ATP6V1B1: variants seen among roughly 807,000 people sequenced by gnomAD.
ATP6V1B1 encodes ATPase H+ transporting V1 subunit B1, also known as V-type proton ATPase subunit B, kidney isoform.
A neutral mutation model predicts 62.1 loss-of-function variants in ATP6V1B1; 41 were observed. The ratio of observed to expected loss-of-function variants is 0.66; its 90% CI spans 0.51 to 0.86. ATP6V1B1 has a LOEUF of 0.86. Ranked by LOEUF, ATP6V1B1 falls within the 40% of genes least tolerant of loss-of-function variation. The probability of loss-of-function intolerance (pLI) is 0.00; values close to 1 mark genes in which losing one functional copy is unlikely to be tolerated. For missense variants in ATP6V1B1, 651 were observed against 697.5 expected (o/e 0.93, Z 0.75); for synonymous variants, 253 against 273.4 (o/e 0.93, Z 0.74).
chr2:70,954,691 C>CCT (rs1680395059), intron 2 of ATP6V1B1, among the ~76,000 whole-genome samples: 1 of 152,082 alleles, frequency 6.6e-6, no homozygotes, highest in African/African-American at 2.4e-5. Flanking sequence ...CTGTGTTGCC[C>CCT]AGGCTGATCT....
chr2:70,963,746 G>T lies in ATP6V1B1; in HGVS notation c.1143+92G>T, dbSNP rs1680646062. ...CTGCCCCCAGGCATGAATTAGGAGG[G>T]GCCAGCCAAAGCGAACCCCAAACAG... On this transcript the variant is annotated intron_variant, in intron 11 of 13. Transcript: ENST00000234396. The surrounding 1 kb of genome is among the most constrained non-coding windows in gnomAD (Gnocchi z 4.3). 2.7e-6 allele frequency: 4 copies of T among 1,455,040 alleles called. No homozygotes were observed. The Admixed American group carries it at 7.3e-5, about 26-fold the overall frequency. The allele number at this position is 1,455,040 out of a possible 1,614,324, so 90.1% of individuals were successfully genotyped here.
intron 1 of ATP6V1B1, chr2:70,938,549 A>G (rs1679913003): frequency 1.0e-6 from 1 of 985,314 alleles, no homozygotes; most frequent in Non-Finnish European, 1.2e-6. Context: ...AGGTGGGCTA[A>G]AGAGGCCTGA....
Position 70,943,242 on chromosome 2 carries a change from C to T in ATP6V1B1, c.119-416C>T, listed in dbSNP as rs1163280552. The T allele has an allele frequency of 1.6e-5, 6 of 377,924 alleles. No homozygotes were observed. In the East Asian group the frequency reaches 3.9e-4, roughly 24 times the overall value. The allele number at this position is 377,924 out of a possible 1,614,324, so 23.4% of individuals were successfully genotyped here. A position where few individuals can be genotyped will look rare whatever the true frequency, so the allele number is the denominator to read the frequency against. On this transcript the variant is annotated intron_variant, in intron 1 of 13. Transcript: ENST00000234396. ...AGTGTGGGGTGAATGGAGGGAAATG[C>T]AGTCCTGGTGAGGGCAGAGGAGGGC...
In ATP6V1B1 at chr2:70,963,004, C is replaced by T; in HGVS notation, c.909+104C>T. 6.2e-7 allele frequency: 1 copy of T among 1,601,264 alleles called. No individual in the cohort carries two copies. The highest frequency in any genetic ancestry group is 1.7e-5 in the Admixed American group (1 of 59,640). Reference sequence around the variant, plus strand: ...TAGAGGGGAGCTGGTCCACCCAAGCCTGCCCCACTCCCATGAGTTCCAGGG... The same window carrying T: ...TAGAGGGGAGCTGGTCCACCCAAGCTTGCCCCACTCCCATGAGTTCCAGGG... On this transcript the variant is annotated intron_variant, in intron 9 of 13. Coordinates refer to ENST00000234396, the MANE Select transcript of ATP6V1B1 (RefSeq NM_001692.4). The surrounding 1 kb of genome is among the most constrained non-coding windows in gnomAD (Gnocchi z 4.3).
At chr2:70,962,549 CCT>C (rs1270846649) in intron 8 of ATP6V1B1, among the ~76,000 whole-genome samples, 1 of 152,196 alleles carries the variant, frequency 6.6e-6, no homozygotes, top group Non-Finnish European at 1.5e-5. Context: ...GGCCTCAGCC[CCT>C]GTCCCCTTTC....
chr2:70,943,061 G>T (rs1680042154), intron 1 of ATP6V1B1, among the ~76,000 whole-genome samples: 1 of 152,130 alleles, frequency 6.6e-6, no homozygotes, highest in African/African-American at 2.4e-5. Flanking sequence ...TCCTTCCCTT[G>T]CCTTTTCACT....
Position 70,958,409 on chromosome 2 carries a change from T to C in ATP6V1B1, c.350T>C (p.Val117Ala). ...ACAGGGGACATCCTACGAACTCCGG[T>C]GTCAGAGGACATGCTGGGTGAGGGA... The part of the protein sequence containing the change: ...EFTGDILRTP[V>A]SEDMLGRVFN... The change falls in exon 4 of 14, where the codon GTG becomes GCG. Residue 117 changes from valine (V) to alanine (A), a missense_variant. By Grantham distance (64) the Val-to-Ala change is moderately conservative. Coordinates refer to ENST00000234396, the MANE Select transcript of ATP6V1B1 (RefSeq NM_001692.4). 6.2e-7 allele frequency: 1 copy of C among 1,613,246 alleles called. No homozygotes were observed. The highest frequency in any genetic ancestry group is 1.3e-5 in the African/African-American group (1 of 74,922).
In ATP6V1B1 at chr2:70,961,116, C is replaced by G. The variant is rs558375537; in HGVS notation, c.687+94C>G. On this transcript the variant is annotated intron_variant, in intron 7 of 13. Coordinates refer to ENST00000234396, the MANE Select transcript of ATP6V1B1 (RefSeq NM_001692.4). ...GGCATGACCTGATCTGATGGGGAAG[C>G]CATCAGTGTCCCGGCCAGCCAGGAG... The G allele has an allele frequency of 1.7e-5, 22 of 1,322,122 alleles. No individual in the cohort carries two copies. In the East Asian group the frequency reaches 5.6e-4, roughly 34 times the overall value. The allele number at this position is 1,322,122 out of a possible 1,614,324, so 81.9% of individuals were successfully genotyped here. A position where few individuals can be genotyped will look rare whatever the true frequency, so the allele number is the denominator to read the frequency against.
chr2:70,963,805 G>A lies in ATP6V1B1; in HGVS notation c.1143+151G>A. 2 of 847,748 alleles carry A rather than the reference G, an allele frequency of 2.4e-6. No individual in the cohort carries two copies. The highest frequency in any genetic ancestry group is 3.9e-6 in the Non-Finnish European group (2 of 507,466). 52.5% of individuals were successfully genotyped at this position (847,748 alleles called of 1,614,324 possible). On this transcript the variant is annotated intron_variant, in intron 11 of 13. Coordinates refer to ENST00000234396, the MANE Select transcript of ATP6V1B1 (RefSeq NM_001692.4). The surrounding 1 kb of genome is among the most constrained non-coding windows in gnomAD (Gnocchi z 4.3). ...CACAGGGAAGACTGCATGGTTCACAGACAGAAGACAGGCCTGAGCAGAATC... is the reference window on the plus strand; with the variant it reads ...CACAGGGAAGACTGCATGGTTCACAAACAGAAGACAGGCCTGAGCAGAATC...
intron 11 of ATP6V1B1, 149 bp from the exon 12 acceptor site, chr2:70,964,289 G>C: frequency 1.3e-6 from 1 of 789,432 alleles, no homozygotes; most frequent in South Asian, 1.5e-5. Flanking sequence ...CCAAGCCCTA[G>C]AATTTGTGGG....
At chr2:70,940,583 T>C (rs1440401178) in intron 1 of ATP6V1B1, 1 of 985,314 alleles carries the variant, frequency 1.0e-6, no homozygotes, top group African/African-American at 1.7e-5. Context: ...TTTTTTTTAA[T>C]TGATGGGAAG....
Position 70,960,807 on chromosome 2 carries a change from C to G in ATP6V1B1, c.586-114C>G. 5 of 564,206 alleles carry G rather than the reference C, an allele frequency of 8.9e-6. No individual in the cohort carries two copies. The Admixed American group carries it at 1.2e-4, about 14-fold the overall frequency. 34.9% of individuals were successfully genotyped at this position (564,206 alleles called of 1,614,324 possible). ...AAAGACTAGCACCTGGGGCAGCCCC[C>G]TCACCTCTCTGGGCTTGGATCCCTC... is the stretch of plus-strand genomic sequence containing the variant. On this transcript the variant is annotated intron_variant, in intron 6 of 13. Coordinates refer to ENST00000234396, the MANE Select transcript of ATP6V1B1 (RefSeq NM_001692.4).
Position 70,942,732 on chromosome 2 carries a change from G to T in ATP6V1B1, c.119-926G>T, listed in dbSNP as rs563199339. On this transcript the variant is annotated intron_variant, in intron 1 of 13. Coordinates refer to ENST00000234396, the MANE Select transcript of ATP6V1B1 (RefSeq NM_001692.4). ...GTTGGGCCACTCCCCTCTGCATCCT[G>T]CCAGCCTGTGGCTGACCCAGAGGCC... Among the ~76,000 whole-genome samples, 100 of 152,316 alleles carry T rather than the reference G, an allele frequency of 6.6e-4. 1 individual carries two copies. Among genetic ancestry groups the T allele is most frequent in the African/African-American group, 2.1e-3 (88 of 41,570 alleles).
chr2:70,938,185 C>G (rs182258973), intron 1 of ATP6V1B1, among the ~76,000 whole-genome samples: 3 of 151,954 alleles, frequency 2.0e-5, no homozygotes, highest in African/African-American at 7.2e-5. Flanking sequence ...TGGTGTGTCC[C>G]TTCATCCACA....
chr2:70,951,443 T>C (rs549254563), intron 2 of ATP6V1B1, among the ~76,000 whole-genome samples: 1 of 152,298 alleles, frequency 6.6e-6, no homozygotes, highest in South Asian at 2.1e-4. Context: ...ATGTAGCATT[T>C]TTTTTTTCAC....
intron 2 of ATP6V1B1, among the ~76,000 whole-genome samples, chr2:70,950,777 TTTAC>T (rs1171360515): frequency 3.9e-5 from 6 of 152,158 alleles, no homozygotes; most frequent in African/African-American, 4.8e-5. Context: ...ATACTTTTAC[TTTAC>T]TTTTTATTTT....
intron 1 of ATP6V1B1, chr2:70,943,434 C>A: frequency 1.5e-6 from 1 of 673,992 alleles, no homozygotes; most frequent in Non-Finnish European, 2.7e-6. Context: ...CTCTGCCTGG[C>A]CCTCCCCCAG....
At chr2:70,936,148 C>T (rs1162640133) in intron 1 of ATP6V1B1, 76 bp downstream of exon 1, 1 of 1,460,782 alleles carries the variant, frequency 6.8e-7, no homozygotes, top group Non-Finnish European at 9.5e-7. Context: ...CCGGGCCCCG[C>T]TTCTTGCCTC....
intron 2 of ATP6V1B1, 43 bp from the exon 3 acceptor site, chr2:70,958,003 C>A (rs377347169): frequency 6.3e-7 from 1 of 1,576,226 alleles, no homozygotes; most frequent in Non-Finnish European, 8.7e-7. Flanking sequence ...AGGGACTTTG[C>A]CTCCAGTCTC....
Sources: allele counts gnomAD v4.1 joint callset (sites outside exome capture counted in the v4.1 genomes callset), GRCh38; gene constraint gnomAD v4.1.1; non-coding constraint Gnocchi (gnomAD v3.1); transcripts MANE v1.5; gene names NCBI Gene and HGNC (gene_info 2026-07-23, HGNC 2026-07-21).